The following MPPED2 variants were observed in gnomAD, a reference collection of about 807,000 sequenced individuals.
The protein encoded by MPPED2 is metallophosphoesterase MPPED2.
Under a neutral mutation model 33.0 loss-of-function variants are expected in MPPED2, and 5 were observed. That is an observed-to-expected ratio of 0.15 (90% CI 0.08 to 0.32). The LOEUF (loss-of-function observed/expected upper bound fraction) is 0.32. MPPED2 is among the 10% of genes least tolerant of loss of function. The probability of loss-of-function intolerance (pLI) is 1.00; values close to 1 mark genes in which losing one functional copy is unlikely to be tolerated. For missense variants in MPPED2, 275 were observed against 372.1 expected, an observed-to-expected ratio of 0.74 and a Z score of 2.15; for synonymous variants, 136 against 141.9, an observed-to-expected ratio of 0.96 and a Z score of 0.29.
At chr11:30,447,692 C>T (rs973035213) in intron 4 of MPPED2, among the ~76,000 whole-genome samples, 4 of 152,092 alleles carry the variant, frequency 2.6e-5, no homozygotes, top group Non-Finnish European at 4.4e-5. Flanking sequence ...CAAGAGTTTG[C>T]GCAGTTAAAC....
In MPPED2 at chr11:30,414,038, T is replaced by C. The variant is rs2282300; in HGVS notation, c.766+190A>G. Among the ~76,000 whole-genome samples, 27,256 of 152,118 alleles carry C rather than the reference T, an allele frequency of 0.18. 2,898 individuals carry two copies. Among genetic ancestry groups the C allele is most frequent in the Non-Finnish European group, 0.24 (16,621 of 67,978 alleles). Reference sequence around the variant, plus strand: ...GACGTGCTTCCTACTTTCCACTCTGTTTACAAGAGAGAAGGTCCATATAAA... The same window carrying C: ...GACGTGCTTCCTACTTTCCACTCTGCTTACAAGAGAGAAGGTCCATATAAA... On this transcript the variant is annotated intron_variant, in intron 6 of 6. Transcript: ENST00000358117.
chr11:30,496,671 T>C (rs573041599), intron 3 of MPPED2, among the ~76,000 whole-genome samples: 2 of 121,642 alleles, frequency 1.6e-5, no homozygotes, highest in African/African-American at 6.7e-5. Context: ...TCTCAATGAT[T>C]TCATTAAGGA....
At chr11:30,434,260 C>T (rs1247207712) in intron 4 of MPPED2, among the ~76,000 whole-genome samples, 1 of 152,212 alleles carries the variant, frequency 6.6e-6, no homozygotes, top group African/African-American at 2.4e-5. Flanking sequence ...CATGTCACTA[C>T]TGATGAGCTG....
Position 30,426,041 on chromosome 11 carries a change from T to G in MPPED2, c.537-8408A>C, listed in dbSNP as rs757011630. Reference sequence around the variant, plus strand: ...AATTCAGTAGCAGTAAGTATTAGGTTGGTGCAAAAGTAACTGCGGTTTTTG... The same window carrying G: ...AATTCAGTAGCAGTAAGTATTAGGTGGGTGCAAAAGTAACTGCGGTTTTTG... On this transcript the variant is annotated intron_variant, in intron 4 of 6. Coordinates refer to ENST00000358117, the MANE Select transcript of MPPED2 (RefSeq NM_001584.3). Among the ~76,000 whole-genome samples, 24 of 152,226 alleles carry G rather than the reference T, an allele frequency of 1.6e-4. 1 individual carries two copies. The highest frequency in any genetic ancestry group is 2.9e-5 in the Non-Finnish European group (2 of 68,026).
intron 4 of MPPED2, among the ~76,000 whole-genome samples, chr11:30,460,882 C>A (rs1399353691): frequency 1.3e-5 from 2 of 152,060 alleles, no homozygotes; most frequent in Non-Finnish European, 2.9e-5. Flanking sequence ...TAAGTATATA[C>A]CCAAAGGAAG....
intron 2 of MPPED2, among the ~76,000 whole-genome samples, chr11:30,557,906 G>A (rs11031138): frequency 0.075 from 11,374 of 152,216 alleles, 1,454 homozygotes; most frequent in African/African-American, 0.26. Flanking sequence ...ACTCACTAAT[G>A]AATTTTATTC....
At chr11:30,547,075 T>C (rs879386058) in intron 2 of MPPED2, among the ~76,000 whole-genome samples, 5 of 152,198 alleles carry the variant, frequency 3.3e-5, no homozygotes, top group Non-Finnish European at 7.3e-5. Context: ...TTCACAGGGT[T>C]TGTATATCCA....
chr11:30,455,280 C>A (rs1950233882), intron 4 of MPPED2, among the ~76,000 whole-genome samples: 1 of 152,212 alleles, frequency 6.6e-6, no homozygotes, highest in South Asian at 2.1e-4. Flanking sequence ...CTGCCCCATT[C>A]CTGCTGAGGC....
chr11:30,493,423 G>T (rs1952085876), intron 4 of MPPED2, among the ~76,000 whole-genome samples: 1 of 150,694 alleles, frequency 6.6e-6, no homozygotes, highest in African/African-American at 2.4e-5. Flanking sequence ...CAGAGGACAA[G>T]CCAAACTGTT....
At chr11:30,548,573 T>C (rs748617006) in intron 2 of MPPED2, among the ~76,000 whole-genome samples, 9 of 152,192 alleles carry the variant, frequency 5.9e-5, no homozygotes, top group African/African-American at 1.4e-4. Flanking sequence ...TCAGTAAGTG[T>C]TAGCCATCAT....
intron 2 of MPPED2, among the ~76,000 whole-genome samples, chr11:30,573,345 T>G (rs1956787817): frequency 6.6e-6 from 1 of 152,204 alleles, no homozygotes; most frequent in Non-Finnish European, 1.5e-5. Context: ...ACATCATATT[T>G]GACAATGAAA....
rs565729951 is a variant in MPPED2 at position 30,461,975 on chromosome 11, A to T, written c.536+33321T>A. ...CATAAATTCATTTGATCAACTTATCAATTGTAAGTTAGCAAGTTTTCATGG... is the reference window on the plus strand; with the variant it reads ...CATAAATTCATTTGATCAACTTATCTATTGTAAGTTAGCAAGTTTTCATGG... On this transcript the variant is annotated intron_variant, in intron 4 of 6. Transcript: ENST00000358117. Among the ~76,000 whole-genome samples the T allele has an allele frequency of 7.2e-5, 11 of 152,332 alleles. No individual in the cohort carries two copies. The South Asian group carries it at 1.9e-3, about 26-fold the overall frequency.
At chr11:30,559,218 C>T (rs1956129260) in intron 2 of MPPED2, among the ~76,000 whole-genome samples, 1 of 152,096 alleles carries the variant, frequency 6.6e-6, no homozygotes, top group African/African-American at 2.4e-5. Context: ...CTAAAACACC[C>T]AGCTGCAGGG....
At chr11:30,403,246 CAA>C (rs757620790) in intron 6 of MPPED2, among the ~76,000 whole-genome samples, 6 of 107,644 alleles carry the variant, frequency 5.6e-5, no homozygotes, top group Admixed American at 1.9e-4. Flanking sequence ...GACTCCGTCT[CAA>C]AAAAAAAAAA....
At chr11:30,487,344 C>A (rs1397006073) in intron 4 of MPPED2, among the ~76,000 whole-genome samples, 1 of 152,070 alleles carries the variant, frequency 6.6e-6, no homozygotes, top group Non-Finnish European at 1.5e-5. Flanking sequence ...GGGCTGCTGT[C>A]TCTCTCCACT....
At chr11:30,393,928 G>C (rs1055744272) in intron 6 of MPPED2, among the ~76,000 whole-genome samples, 5 of 152,124 alleles carry the variant, frequency 3.3e-5, no homozygotes, top group African/African-American at 1.2e-4. Flanking sequence ...AAACTCCCCT[G>C]TGCTGCTCTT....
chr11:30,460,102 C>G (rs190168193), intron 4 of MPPED2, among the ~76,000 whole-genome samples: 318 of 151,978 alleles, frequency 2.1e-3, no homozygotes, highest in Non-Finnish European at 3.6e-3. Context: ...TAAAAGGAAG[C>G]AGCAATGGAC....
intron 6 of MPPED2, among the ~76,000 whole-genome samples, chr11:30,395,416 C>G (rs2133700638): frequency 6.6e-6 from 1 of 152,308 alleles, no homozygotes; most frequent in Middle Eastern, 3.4e-3. Flanking sequence ...TAGGTCAGGT[C>G]AGGCTGACCC....
intron 6 of MPPED2, among the ~76,000 whole-genome samples, chr11:30,412,774 A>G (rs1029574833): frequency 2.0e-5 from 3 of 152,224 alleles, no homozygotes; most frequent in Non-Finnish European, 4.4e-5. Flanking sequence ...CCTCCCTTTT[A>G]GGCAAGTTTA....
Sources: allele counts gnomAD v4.1 joint callset (sites outside exome capture counted in the v4.1 genomes callset), GRCh38; gene constraint gnomAD v4.1.1; transcripts MANE v1.5; gene names NCBI Gene and HGNC (gene_info 2026-07-23, HGNC 2026-07-21).